LARGE1: variants seen among roughly 807,000 people sequenced by gnomAD.
The protein encoded by LARGE1 is xylosyl- and glucuronyltransferase LARGE1.
A neutral mutation model predicts 87.6 loss-of-function variants in LARGE1; 43 were observed. The ratio of observed to expected loss-of-function variants is 0.49; its 90% CI spans 0.38 to 0.63. The LOEUF is 0.63. Among genes scored for constraint, LARGE1 ranks in the 30% least tolerant of loss-of-function variants. LARGE1 has a pLI of 0.00. For missense variants in LARGE1, 802 were observed against 1,000.2 expected, an observed-to-expected ratio of 0.80 and a Z score of 2.67; for synonymous variants, 434 against 394.6, an observed-to-expected ratio of 1.10 and a Z score of -1.18.
chr22:33,435,508 C>G (rs988271661), intron 6 of LARGE1, among the ~76,000 whole-genome samples: 2 of 152,088 alleles, frequency 1.3e-5, no homozygotes, highest in Non-Finnish European at 2.9e-5. Context: ...CCTTCCTGAT[C>G]GGGTGTGTGT....
chr22:33,512,123 T>C (rs1555941153), intron 6 of LARGE1, among the ~76,000 whole-genome samples: 1 of 152,210 alleles, frequency 6.6e-6, no homozygotes. Flanking sequence ...GACATTCTGG[T>C]TGCAGTATAA....
intron 7 of LARGE1, among the ~76,000 whole-genome samples, chr22:33,416,155 G>A (rs1442374707): frequency 6.6e-6 from 1 of 152,164 alleles, no homozygotes; most frequent in African/African-American, 2.4e-5. Flanking sequence ...AAAGGGATTT[G>A]CCCAAGACCA....
intron 6 of LARGE1, among the ~76,000 whole-genome samples, chr22:33,549,669 G>A (rs2077467251): frequency 6.6e-6 from 1 of 152,166 alleles, no homozygotes; most frequent in African/African-American, 2.4e-5. Flanking sequence ...AATAAGAAGG[G>A]AAAGCAAGTC....
intron 2 of LARGE1, among the ~76,000 whole-genome samples, chr22:33,651,225 C>CAA (rs71187275): frequency 0.046 from 2,582 of 56,580 alleles, 345 homozygotes; most frequent in African/African-American, 0.11. Flanking sequence ...ACTAAAAATA[C>CAA]AAAAAAAAAA....
chr22:33,567,388 T>A (rs950029609), intron 5 of LARGE1, among the ~76,000 whole-genome samples: 8 of 152,192 alleles, frequency 5.3e-5, no homozygotes, highest in Admixed American at 2.6e-4. Context: ...GATCCCTCTA[T>A]CTTATTCCAT....
intron 10 of LARGE1, among the ~76,000 whole-genome samples, chr22:33,332,399 G>C (rs1937841627): frequency 6.6e-6 from 1 of 152,182 alleles, no homozygotes; most frequent in South Asian, 2.1e-4. Context: ...CAGCCATGTG[G>C]AACTGTGAGT....
At chr22:33,433,615 A>C (rs1470144266) in intron 6 of LARGE1, among the ~76,000 whole-genome samples, 2 of 151,008 alleles carry the variant, frequency 1.3e-5, no homozygotes, top group Non-Finnish European at 3.0e-5. Context: ...AACAAAAAAA[A>C]AAAAAAAAAA....
chr22:33,796,672 C>T (rs1183890620), intron 1 of LARGE1, among the ~76,000 whole-genome samples: 1 of 151,958 alleles, frequency 6.6e-6, no homozygotes, highest in Non-Finnish European at 1.5e-5. Flanking sequence ...CAGCAAAGTC[C>T]CTCTTGTGGA....
chr22:33,124,356 A>AGAAGGAAGGAAGGAAGGAAGGAAG, the LARGE1 span, among the ~76,000 whole-genome samples: 1,598 of 69,082 alleles, frequency 0.023, 222 homozygotes, highest in African/African-American at 0.08. Context: ...AAGAAAGGAA[A>AGAAGGAAGGAAGGAAGGAAGGAAG]GAAGGAAGGA....
chr22:33,255,331 AG>A (rs1927209506), intron 11 of LARGE1, among the ~76,000 whole-genome samples: 1 of 152,368 alleles, frequency 6.6e-6, no homozygotes, highest in African/African-American at 2.4e-5. Flanking sequence ...GGAAAGGAGT[AG>A]AGCTGCTAGA....
the LARGE1 span, among the ~76,000 whole-genome samples, chr22:33,067,706 G>T: frequency 6.6e-6 from 1 of 152,220 alleles, no homozygotes; most frequent in African/African-American, 2.4e-5. Flanking sequence ...CTGAGGCCAG[G>T]TGCAGTGGCT....
intron 6 of LARGE1, among the ~76,000 whole-genome samples, chr22:33,558,513 C>T (rs2077761494): frequency 6.6e-6 from 1 of 152,164 alleles, no homozygotes; most frequent in African/African-American, 2.4e-5. Context: ...TCAGTATCTT[C>T]TTTCTACAGG....
intron 12 of LARGE1, among the ~76,000 whole-genome samples, chr22:33,287,281 T>G (rs766628861): frequency 2.0e-4 from 31 of 152,244 alleles, no homozygotes; most frequent in Non-Finnish European, 3.7e-4. Flanking sequence ...ACCAATATAC[T>G]GGAAGACCCA....
At chr22:33,834,657 T>C (rs909893580) in intron 1 of LARGE1, among the ~76,000 whole-genome samples, 5 of 152,240 alleles carry the variant, frequency 3.3e-5, no homozygotes, top group Non-Finnish European at 7.3e-5. Context: ...GCCTGTTTGG[T>C]GGTCTCTTCA....
At chr22:33,089,419 T>C in the LARGE1 span, among the ~76,000 whole-genome samples, 2 of 101,512 alleles carry the variant, frequency 2.0e-5, no homozygotes, top group Non-Finnish European at 3.7e-5. Context: ...CTTCTACTTC[T>C]TCTTCCTCTT....
chr22:33,173,811 CCCA>C (rs1207423099), intron 11 of LARGE1, among the ~76,000 whole-genome samples: 3 of 152,140 alleles, frequency 2.0e-5, no homozygotes, highest in African/African-American at 7.2e-5. Flanking sequence ...TATATATGCA[CCCA>C]ATACAAGAGC....
At chr22:33,200,212 C>T (rs67233223) in intron 11 of LARGE1, among the ~76,000 whole-genome samples, 18,249 of 152,160 alleles carry the variant, frequency 0.12, 1,251 homozygotes, top group South Asian at 0.23. Context: ...CCCTTGTAAA[C>T]TTTCATTCCA....
intron 7 of LARGE1, among the ~76,000 whole-genome samples, chr22:33,403,479 C>T (rs2065992399): frequency 6.6e-6 from 1 of 152,294 alleles, no homozygotes. Flanking sequence ...CACAGTTCCA[C>T]GGATGGCTTT....
intron 1 of LARGE1, among the ~76,000 whole-genome samples, chr22:33,826,472 A>G (rs2062788020): frequency 6.6e-6 from 1 of 151,516 alleles, no homozygotes; most frequent in Non-Finnish European, 1.5e-5. Flanking sequence ...CCTCCTGAGT[A>G]GCTGGGATTA....
Sources: gnomAD v4.1 joint callset for allele counts (sites outside exome capture counted in the v4.1 genomes callset) on GRCh38, gnomAD v4.1.1 for gene constraint, MANE v1.5 for transcripts, NCBI Gene and HGNC (gene_info 2026-07-23, HGNC 2026-07-21) for gene names.